IL24: variants seen among roughly 807,000 people sequenced by gnomAD.
IL24 encodes the protein interleukin-24.
In IL24, 24 loss-of-function variants were observed where a neutral mutation model predicts 27.6. The observed-to-expected ratio is 0.87, with a 90% CI of 0.63 to 1.22. The LOEUF (loss-of-function observed/expected upper bound fraction) is 1.22, where lower values mean the gene tolerates loss of function less well. IL24 is among the 50% of genes most tolerant of loss of function. The probability of loss-of-function intolerance (pLI) is 0.00; values close to 1 mark genes in which losing one functional copy is unlikely to be tolerated. For missense variants in IL24, 240 were observed against 237.0 expected (o/e 1.01, Z -0.08); for synonymous variants, 99 against 93.1 (o/e 1.06, Z -0.36).
intron 4 of IL24, 112 bp downstream of exon 4, chr1:206,900,469 A>C: frequency 1.1e-6 from 1 of 938,260 alleles, no homozygotes; most frequent in Non-Finnish European, 1.7e-6. Flanking sequence ...CCCTGGACTG[A>C]CCTTACACAG....
intron 4 of IL24, among the ~76,000 whole-genome samples, chr1:206,900,646 C>A (rs935545154): frequency 6.6e-6 from 1 of 152,134 alleles, no homozygotes; most frequent in African/African-American, 2.4e-5. Flanking sequence ...GCCCAATAGG[C>A]ATCTACTTAG....
chr1:206,899,219 G>C (rs1353562537), intron 2 of IL24, 101 bp from the exon 3 acceptor site: 13 of 1,228,712 alleles, frequency 1.1e-5, no homozygotes, highest in Non-Finnish European at 1.2e-5. Context: ...ATTGGAGAGT[G>C]CTCGAGATTG....
chr1:206,901,401 G>A (rs550438337), intron 4 of IL24, 93 bp from the exon 5 acceptor site: 361 of 1,394,492 alleles, frequency 2.6e-4, no homozygotes, highest in Middle Eastern at 1.4e-3. Flanking sequence ...TCTCTGCTGT[G>A]CTTATCTTGC....
rs992872156 is a variant in IL24 at position 206,903,085 on chromosome 1, C to T, written c.*26C>T. The T allele has an allele frequency of 6.3e-7, 1 of 1,578,096 alleles. No individual in the cohort carries two copies. The highest frequency in any genetic ancestry group is 1.3e-5 in the African/African-American group (1 of 74,334). On this transcript the variant is annotated 3_prime_UTR_variant, in exon 7 of 7. Transcript: ENST00000294984. ...ATGTCTAGACCAGGACCTCCCTCCCCCTGGCACTGGTTTGTTCCCTGTGTC... is the reference window on the plus strand; with the variant it reads ...ATGTCTAGACCAGGACCTCCCTCCCTCTGGCACTGGTTTGTTCCCTGTGTC...
At position 206,902,663 on chromosome 1, in the gene IL24, G is replaced by A. The variant is rs367837725; in HGVS notation, c.538-313G>A. ...GGGGCCACCTGGGCTCATTTCACCT[G>A]TGCAGTGGATTCAGGTGGTGGGCCA... On this transcript the variant is annotated intron_variant, in intron 6 of 6. Transcript: ENST00000294984. 15 of 985,088 alleles carry A rather than the reference G, an allele frequency of 1.5e-5. No homozygotes were observed. The African/African-American group carries it at 1.9e-4, about 13-fold the overall frequency. The allele number at this position is 985,088 out of a possible 1,614,324, so 61.0% of individuals were successfully genotyped here. A position where few individuals can be genotyped will look rare whatever the true frequency, so the allele number is the denominator to read the frequency against.
chr1:206,901,905 G>C (rs1335987264), intron 5 of IL24, 93 bp from the exon 6 acceptor site: 7 of 1,310,496 alleles, frequency 5.3e-6, no homozygotes, highest in Non-Finnish European at 7.7e-6. Context: ...TCAGGCTTTG[G>C]GAGACCCTGT....
Position 206,902,034 on chromosome 1 carries a change from C to A in IL24, c.499C>A (p.His167Asn). The change falls in exon 6 of 7, where the codon CAC becomes AAC. Residue 167 changes from histidine to asparagine, a missense_variant. Physicochemically the swap from His to Asn is moderately conservative, Grantham distance 68. Coordinates refer to ENST00000294984, the MANE Select transcript of IL24 (RefSeq NM_006850.3). ...NEMFSIRDSA[H>N]RRFLLFRRAF... The stretch of plus-strand genomic sequence containing the variant: ...GATGTTTTCCATCAGAGACAGTGCA[C>A]ACAGGCGGTTTCTGCTATTCCGGAG... The A allele has an allele frequency of 6.2e-7, 1 of 1,614,146 alleles. No individual in the cohort carries two copies. Among genetic ancestry groups the A allele is most frequent in the East Asian group, 2.2e-5 (1 of 44,884 alleles).
At chr1:206,901,900 C>T (rs1163548957) in intron 5 of IL24, 98 bp from the exon 6 acceptor site, 28 of 1,271,586 alleles carry the variant, frequency 2.2e-5, no homozygotes, top group Non-Finnish European at 3.1e-5. Flanking sequence ...GGCTCTCAGG[C>T]TTTGGGAGAC....
intron 5 of IL24, 99 bp from the exon 6 acceptor site, chr1:206,901,899 G>A (rs1678399647): frequency 7.9e-7 from 1 of 1,261,326 alleles, no homozygotes; most frequent in Non-Finnish European, 1.1e-6. Context: ...GGGCTCTCAG[G>A]CTTTGGGAGA....
At chr1:206,899,581 G>A in intron 3 of IL24, 66 bp downstream of exon 3, 1 of 1,317,152 alleles carries the variant, frequency 7.6e-7, no homozygotes, top group Non-Finnish European at 1.0e-6. Flanking sequence ...AGTGGGGCGA[G>A]GGGATGCTAT....
At position 206,903,279 on chromosome 1, in the gene IL24, C is replaced by A; in HGVS notation, c.*220C>A. ...CTGTGAAGAGTCTACAGAGAAGATT[C>A]TTGTATTTATTACAACTCTATTTAA... On this transcript the variant is annotated 3_prime_UTR_variant, in exon 7 of 7. Coordinates refer to ENST00000294984, the MANE Select transcript of IL24 (RefSeq NM_006850.3). 4.0e-6 allele frequency: 2 copies of A among 496,040 alleles called. No individual in the cohort carries two copies. Among genetic ancestry groups the A allele is most frequent in the Non-Finnish European group, 7.2e-6 (2 of 276,520 alleles). The allele number at this position is 496,040 out of a possible 1,614,324, so 30.7% of individuals were successfully genotyped here. A position where few individuals can be genotyped will look rare whatever the true frequency, so the allele number is the denominator to read the frequency against.
intron 6 of IL24, chr1:206,902,526 T>C: frequency 1.0e-6 from 1 of 984,614 alleles, no homozygotes; most frequent in Non-Finnish European, 1.2e-6. Flanking sequence ...AACCCAAATT[T>C]CATCCCCAGC....
Position 206,897,822 on chromosome 1 carries a change from G to T in IL24, c.-11G>T. On this transcript the variant is annotated 5_prime_UTR_variant, in exon 2 of 7. Transcript: ENST00000294984. ...TTGGGAGGAAGGCCAGGAGGAACAC[G>T]AGACTGAGAGATGAATTTTCAACAG... The T allele has an allele frequency of 6.2e-7, 1 of 1,612,368 alleles. No homozygotes were observed.
rs3093434 is a variant in IL24, at chr1:206,902,785, C to A, written c.538-191C>A. 6.7e-4 allele frequency: 662 copies of A among 985,316 alleles called. 5 individuals are homozygous for A. In the African/African-American group the frequency reaches 0.011, roughly 16 times the overall value. 61.0% of individuals were successfully genotyped at this position (985,316 alleles called of 1,614,324 possible). On this transcript the variant is annotated intron_variant, in intron 6 of 6. Transcript: ENST00000294984. ...CACTGATATTCACTAGCCTGTTTGT[C>A]CTCACCCCTGAAGCAGATAAACACA... is the stretch of plus-strand genomic sequence containing the variant.
At chr1:206,902,352 T>C (rs1490216284) in intron 6 of IL24, 1 of 985,300 alleles carries the variant, frequency 1.0e-6, no homozygotes, top group South Asian at 4.7e-5. Flanking sequence ...GTACTTGGGC[T>C]GGGCAACTGA....
In IL24 at chr1:206,903,561, A is replaced by T. The variant is rs1678487116; in HGVS notation, c.*502A>T. ...CATGAAAATCACACTGTCTTCTGAT[A>T]TCTGCAGGGACAGAGCATTGGGGTG... On this transcript the variant is annotated 3_prime_UTR_variant, in exon 7 of 7. Coordinates refer to ENST00000294984, the MANE Select transcript of IL24 (RefSeq NM_006850.3). The T allele has an allele frequency of 6.2e-6, 1 of 161,266 alleles. No individual in the cohort carries two copies. The highest frequency in any genetic ancestry group is 2.4e-5 in the African/African-American group (1 of 41,548). The allele number at this position is 161,266 out of a possible 1,614,324, so 10.0% of individuals were successfully genotyped here.
rs751102642 is a variant in IL24, at chr1:206,901,979, C to A, written c.463-19C>A. ...TCCTATCTAAAAATTGGCACAACTT[C>A]TTTTCCCATGTTATGTAGCAAGAAA... On this transcript the variant is annotated intron_variant, in intron 5 of 6. Coordinates refer to ENST00000294984, the MANE Select transcript of IL24 (RefSeq NM_006850.3). 4.3e-6 allele frequency: 7 copies of A among 1,613,228 alleles called. No individual in the cohort carries two copies. The highest frequency in any genetic ancestry group is 5.9e-6 in the Non-Finnish European group (7 of 1,179,458).
In IL24 at chr1:206,903,548, A is replaced by T. The variant is rs1678485793; in HGVS notation, c.*489A>T. 6.2e-6 allele frequency: 1 copy of T among 161,450 alleles called. No homozygotes were observed. Among genetic ancestry groups the T allele is most frequent in the South Asian group, 1.7e-4 (1 of 5,868 alleles). The allele number at this position is 161,450 out of a possible 1,614,324, so 10.0% of individuals were successfully genotyped here. A position where few individuals can be genotyped will look rare whatever the true frequency, so the allele number is the denominator to read the frequency against. ...CTGAACTTCAGAGCATGAAAATCAC[A>T]CTGTCTTCTGATATCTGCAGGGACA... On this transcript the variant is annotated 3_prime_UTR_variant, in exon 7 of 7. Coordinates refer to ENST00000294984, the MANE Select transcript of IL24 (RefSeq NM_006850.3).
intron 3 of IL24, among the ~76,000 whole-genome samples, 158 bp from the exon 4 acceptor site, chr1:206,900,137 T>C (rs1678318417): frequency 6.6e-6 from 1 of 152,192 alleles, no homozygotes; most frequent in South Asian, 2.1e-4. Flanking sequence ...ATGGGCCAGC[T>C]CAGCCCAGTC....
Sources: allele counts gnomAD v4.1 joint callset (sites outside exome capture counted in the v4.1 genomes callset), GRCh38; gene constraint gnomAD v4.1.1; transcripts MANE v1.5; gene names NCBI Gene and HGNC (gene_info 2026-07-23, HGNC 2026-07-21).